Variants in GON4L observed in about 807,000 individuals in gnomAD.
GON4L encodes the protein GON-4-like protein.
Under a neutral mutation model 211.8 loss-of-function variants are expected in GON4L, and 87 were observed. That is an observed-to-expected ratio of 0.41 (90% CI 0.35 to 0.49). The LOEUF is 0.49. Ranked by LOEUF, GON4L falls within the 20% of genes least tolerant of loss-of-function variation. The pLI is 0.15. For synonymous variants in GON4L, 875 were observed against 962.6 expected (o/e 0.91, Z 1.68); for missense variants, 2,155 against 2,659.5 (o/e 0.81, Z 4.17).
At chr1:155,755,832 C>T (rs189895410) in intron 27 of GON4L, among the ~76,000 whole-genome samples, 1 of 151,980 alleles carries the variant, frequency 6.6e-6, no homozygotes, top group Non-Finnish European at 1.5e-5. Flanking sequence ...AAACCCAAGA[C>T]GTAAGTAAGT....
intron 10 of GON4L, among the ~76,000 whole-genome samples, chr1:155,812,575 G>T (rs822011): frequency 2.0e-5 from 3 of 150,224 alleles, no homozygotes; most frequent in South Asian, 2.1e-4. Context: ...TTTTTTTTTG[G>T]GACAGAGTCT....
At chr1:155,798,834 T>C (rs1009503324) in intron 11 of GON4L, among the ~76,000 whole-genome samples, 1 of 152,014 alleles carries the variant, frequency 6.6e-6, no homozygotes, top group Non-Finnish European at 1.5e-5. Context: ...CTGCAATAGA[T>C]AGTTCTGCCC....
chr1:155,787,837 G>C (rs1045900733), intron 12 of GON4L, among the ~76,000 whole-genome samples: 5 of 151,906 alleles, frequency 3.3e-5, no homozygotes, highest in African/African-American at 9.7e-5. Flanking sequence ...CCAGCTACTT[G>C]GGAGGCTGAG....
At chr1:155,764,023 CA>C (rs928492087) in intron 21 of GON4L, among the ~76,000 whole-genome samples, 354 of 23,142 alleles carry the variant, frequency 0.015, 1 homozygote, top group Non-Finnish European at 0.049. Flanking sequence ...CAAAAACAAA[CA>C]AAAAAAAAAC....
At chr1:155,767,233 CTATT>C in intron 20 of GON4L, 188 bp downstream of exon 20, 1 of 1,291,902 alleles carries the variant, frequency 7.7e-7, no homozygotes, top group Non-Finnish European at 1.1e-6. Context: ...ATTATTTTAC[CTATT>C]ATTTTGAAAA....
chr1:155,757,585 G>A (rs1246063874), intron 25 of GON4L, among the ~76,000 whole-genome samples: 4 of 150,350 alleles, frequency 2.7e-5, no homozygotes, highest in Non-Finnish European at 5.9e-5. Context: ...ACTATTCCAA[G>A]CAGAGCAAGG....
downstream of GON4L, among the ~76,000 whole-genome samples, chr1:155,749,115 G>C (rs1660365940): frequency 6.6e-6 from 1 of 152,100 alleles, no homozygotes; most frequent in Non-Finnish European, 1.5e-5. Flanking sequence ...AGCCAGGCAT[G>C]GTGGCACATG....
At position 155,756,859 on chromosome 1, in the gene GON4L, G is replaced by A. The variant is rs543924094; in HGVS notation, c.5517+99C>T. The stretch of plus-strand genomic sequence containing the variant: ...TGGGAGAATCGCTTGAATCTGGGAG[G>A]TGGAGGTTGCAGTGAGCCAAGATTA... On this transcript the variant is annotated intron_variant, in intron 27 of 31. Coordinates refer to ENST00000368331, the MANE Select transcript of GON4L (RefSeq NM_001282860.2). 460 of 815,370 alleles carry A rather than the reference G, an allele frequency of 5.6e-4. 5 individuals are homozygous for A. Among genetic ancestry groups the A allele is most frequent in the South Asian group, 4.2e-3 (274 of 65,748 alleles). 50.5% of individuals were successfully genotyped at this position (815,370 alleles called of 1,614,324 possible). A position where few individuals can be genotyped will look rare whatever the true frequency, so the allele number is the denominator to read the frequency against.
chr1:155,813,180 C>A (rs1022776542), intron 10 of GON4L, among the ~76,000 whole-genome samples: 5 of 152,238 alleles, frequency 3.3e-5, no homozygotes, highest in African/African-American at 9.6e-5. Flanking sequence ...ACCAGTAGTC[C>A]TACCACTTTG....
At chr1:155,764,250 C>T (rs774347062) in intron 21 of GON4L, among the ~76,000 whole-genome samples, 1 of 151,762 alleles carries the variant, frequency 6.6e-6, no homozygotes, top group Non-Finnish European at 1.5e-5. Flanking sequence ...TCCTGAGTAG[C>T]TGGGATTACA....
intron 3 of GON4L, among the ~76,000 whole-genome samples, chr1:155,823,414 A>C (rs1453029020): frequency 6.6e-6 from 1 of 152,238 alleles, no homozygotes; most frequent in African/African-American, 2.4e-5. Flanking sequence ...TTATTTCCTT[A>C]ACCTAAAAAA....
intron 24 of GON4L, among the ~76,000 whole-genome samples, chr1:155,759,587 A>G: frequency 6.7e-6 from 1 of 148,488 alleles, no homozygotes; most frequent in African/African-American, 2.5e-5. Context: ...AAAAAAAAAA[A>G]TTTTTTTTTT....
chr1:155,826,362 C>G (rs1031332918), intron 3 of GON4L, among the ~76,000 whole-genome samples: 1 of 151,852 alleles, frequency 6.6e-6, no homozygotes, highest in Non-Finnish European at 1.5e-5. Flanking sequence ...GTCAGGAGTT[C>G]GAGACCAGCC....
chr1:155,835,560 T>A (rs1051459933), intron 2 of GON4L, among the ~76,000 whole-genome samples: 1 of 152,176 alleles, frequency 6.6e-6, no homozygotes, highest in Non-Finnish European at 1.5e-5. Flanking sequence ...AGGGTCACTG[T>A]TGGCCACCCC....
At chr1:155,854,016 C>T (rs568320147) in intron 1 of GON4L, among the ~76,000 whole-genome samples, 1 of 152,290 alleles carries the variant, frequency 6.6e-6, no homozygotes, top group South Asian at 2.1e-4. Flanking sequence ...ACTACTGTTA[C>T]CTAGGCCAAG....
At chr1:155,783,959 A>G in intron 14 of GON4L, 27 bp downstream of exon 14, 1 of 1,612,662 alleles carries the variant, frequency 6.2e-7, no homozygotes, top group Non-Finnish European at 8.5e-7. Flanking sequence ...CCTCTATTCC[A>G]AATCTCAAGG....
At chr1:155,839,114 A>T (rs1027438388) in intron 2 of GON4L, among the ~76,000 whole-genome samples, 1 of 152,198 alleles carries the variant, frequency 6.6e-6, no homozygotes, top group African/African-American at 2.4e-5. Flanking sequence ...AAGTTATCTA[A>T]AGGTTGATTC....
chr1:155,831,310 T>C (rs966538779), intron 2 of GON4L, among the ~76,000 whole-genome samples: 2 of 151,880 alleles, frequency 1.3e-5, no homozygotes, highest in Non-Finnish European at 2.9e-5. Context: ...AAAAAAGTTA[T>C]GTGTGGCTTC....
intron 14 of GON4L, among the ~76,000 whole-genome samples, chr1:155,782,617 T>C (rs924794100): frequency 6.6e-6 from 1 of 152,200 alleles, no homozygotes; most frequent in South Asian, 2.1e-4. Flanking sequence ...AGAAGGTAAC[T>C]GAATTCTAAC....
Sources: gnomAD v4.1 joint callset for allele counts (sites outside exome capture counted in the v4.1 genomes callset) on GRCh38, gnomAD v4.1.1 for gene constraint, MANE v1.5 for transcripts, NCBI Gene and HGNC (gene_info 2026-07-23, HGNC 2026-07-21) for gene names.